The following UCK2 variants were observed in gnomAD, a reference collection of about 807,000 sequenced individuals.
The protein encoded by UCK2 is uridine-cytidine kinase 2.
In UCK2, 6 loss-of-function variants were observed where a neutral mutation model predicts 30.8. That is an observed-to-expected ratio of 0.19 (90% confidence interval 0.11 to 0.38). The LOEUF is 0.38. UCK2 is among the 10% of genes least tolerant of loss of function. The probability of loss-of-function intolerance (pLI) is 1.00; values close to 1 mark genes in which losing one functional copy is unlikely to be tolerated. For synonymous variants in UCK2, 125 were observed against 133.6 expected (o/e 0.94, Z 0.45); for missense variants, 210 against 339.8 (o/e 0.62, Z 3.00).
At chr1:165,891,609 C>A (rs947135963) in intron 3 of UCK2, 14 of 342,942 alleles carry the variant, frequency 4.1e-5, no homozygotes, top group Non-Finnish European at 5.9e-5. Flanking sequence ...CATGTGCATT[C>A]TGATCCACAT....
Position 165,843,562 on chromosome 1 carries a change from G to A in UCK2, c.99+15630G>A, listed in dbSNP as rs186559109. Among the ~76,000 whole-genome samples, 115 of 152,256 alleles carry A rather than the reference G, an allele frequency of 7.6e-4. 1 individual carries two copies. Among genetic ancestry groups the A allele is most frequent in the African/African-American group, 2.7e-3 (113 of 41,548 alleles). On this transcript the variant is annotated intron_variant, in intron 1 of 6. Coordinates refer to ENST00000367879, the MANE Select transcript of UCK2 (RefSeq NM_012474.5). Reference sequence around the variant, plus strand: ...GGAGGTCAAGGCAGGAGGATCACTTGAGGCCAGGAGTTTGATACCAGCCTG... The same window carrying A: ...GGAGGTCAAGGCAGGAGGATCACTTAAGGCCAGGAGTTTGATACCAGCCTG...
intron 1 of UCK2, among the ~76,000 whole-genome samples, chr1:165,888,017 C>G (rs964025167): frequency 2.6e-5 from 4 of 152,146 alleles, no homozygotes; most frequent in Non-Finnish European, 5.9e-5. Context: ...CTCCAAAGAT[C>G]CTTACTTAGT....
Position 165,907,676 on chromosome 1 carries a change from C to T in UCK2, c.647-8C>T. 6.2e-7 allele frequency: 1 copy of T among 1,613,920 alleles called. No individual in the cohort carries two copies. Among genetic ancestry groups the T allele is most frequent in the South Asian group, 1.1e-5 (1 of 91,036 alleles). On this transcript the variant is annotated splice_polypyrimidine_tract_variant and splice_region_variant and intron_variant, in intron 6 of 6. Coordinates refer to ENST00000367879, the MANE Select transcript of UCK2 (RefSeq NM_012474.5). Reference sequence around the variant, plus strand: ...ACCCGTAACGCTCTGCTGGTCTCTGCCCCACAGTGGCCATCAACCTCATCG... The same window carrying T: ...ACCCGTAACGCTCTGCTGGTCTCTGTCCCACAGTGGCCATCAACCTCATCG...
intron 4 of UCK2, 115 bp from the exon 5 acceptor site, chr1:165,903,067 T>G: frequency 1.3e-6 from 1 of 751,852 alleles, no homozygotes; most frequent in East Asian, 2.6e-5. Flanking sequence ...GATTCCAGCT[T>G]GAGAATCATC....
At chr1:165,857,228 A>T (rs1654770345) in intron 1 of UCK2, among the ~76,000 whole-genome samples, 1 of 151,992 alleles carries the variant, frequency 6.6e-6, no homozygotes, top group Non-Finnish European at 1.5e-5. Flanking sequence ...CAGTACTTGA[A>T]CCCTTTTCTC....
At chr1:165,845,606 C>T (rs971783003) in intron 1 of UCK2, among the ~76,000 whole-genome samples, 1 of 152,142 alleles carries the variant, frequency 6.6e-6, no homozygotes, top group African/African-American at 2.4e-5. Flanking sequence ...TAAGTCTCAT[C>T]AGCAGTATTT....
intron 5 of UCK2, among the ~76,000 whole-genome samples, chr1:165,905,244 AG>A (rs1253106104): frequency 1.3e-5 from 2 of 152,178 alleles, no homozygotes; most frequent in Non-Finnish European, 2.9e-5. Context: ...GGACTTTGGG[AG>A]GCCCAGGTGG....
chr1:165,873,160 T>G (rs1655246192), intron 1 of UCK2, among the ~76,000 whole-genome samples: 1 of 152,222 alleles, frequency 6.6e-6, no homozygotes, highest in African/African-American at 2.4e-5. Flanking sequence ...TGTCTGGTTT[T>G]AGGTTGCCAC....
intron 4 of UCK2, 140 bp downstream of exon 4, chr1:165,896,472 C>A: frequency 1.1e-6 from 1 of 932,166 alleles, no homozygotes; most frequent in Non-Finnish European, 1.6e-6. Context: ...ATGGTCCAGC[C>A]CGGCTGCGTC....
rs779481554 is a variant in UCK2, at chr1:165,910,932, G to A, written c.*3109G>A. On this transcript the variant is annotated 3_prime_UTR_variant, in exon 7 of 7. Coordinates refer to ENST00000367879, the MANE Select transcript of UCK2 (RefSeq NM_012474.5). ...CATTAGGCCGCTGGGTCGGGCTGGA[G>A]GCTTGTGTACACCTCGGAGCAGTCG... 1 of 152,454 alleles carries A rather than the reference G, an allele frequency of 6.6e-6. No individual in the cohort carries two copies. Among genetic ancestry groups the A allele is most frequent in the African/African-American group, 2.4e-5 (1 of 41,470 alleles). 9.4% of individuals were successfully genotyped at this position (152,454 alleles called of 1,614,324 possible). A position where few individuals can be genotyped will look rare whatever the true frequency, so the allele number is the denominator to read the frequency against.
chr1:165,861,656 AAAAC>A (rs1414761395), intron 1 of UCK2, among the ~76,000 whole-genome samples: 20,498 of 83,818 alleles, frequency 0.24, 6,269 homozygotes, highest in Non-Finnish European at 0.3. Context: ...AAAACAAAAA[AAAAC>A]AACAGTAAAA....
At chr1:165,872,281 G>A (rs1403696189) in intron 1 of UCK2, among the ~76,000 whole-genome samples, 2 of 152,144 alleles carry the variant, frequency 1.3e-5, no homozygotes, top group African/African-American at 2.4e-5. Context: ...TGCCATGTTG[G>A]CCAGGCTGGT....
intron 4 of UCK2, among the ~76,000 whole-genome samples, chr1:165,901,852 A>G (rs1053775485): frequency 2.8e-4 from 43 of 151,496 alleles, no homozygotes; most frequent in African/African-American, 1.0e-3. Flanking sequence ...TGGGCTGCCT[A>G]TAATTCCAGC....
intron 1 of UCK2, among the ~76,000 whole-genome samples, chr1:165,857,872 C>G (rs1420478250): frequency 1.3e-5 from 2 of 152,122 alleles, no homozygotes; most frequent in Admixed American, 1.3e-4. Flanking sequence ...TCAGTGTTTA[C>G]TGCACCCCAT....
intron 1 of UCK2, among the ~76,000 whole-genome samples, chr1:165,858,479 C>T (rs1654810271): frequency 6.6e-6 from 1 of 152,190 alleles, no homozygotes; most frequent in African/African-American, 2.4e-5. Context: ...AACAAACAAG[C>T]AACCAGCTGC....
At chr1:165,837,781 T>C (rs538726230) in intron 1 of UCK2, among the ~76,000 whole-genome samples, 2 of 152,032 alleles carry the variant, frequency 1.3e-5, no homozygotes, top group African/African-American at 2.4e-5. Flanking sequence ...TATTAAGTAA[T>C]TTTTTTTCAA....
intron 1 of UCK2, among the ~76,000 whole-genome samples, chr1:165,841,454 G>C (rs180898170): frequency 8.2e-4 from 124 of 152,128 alleles, no homozygotes; most frequent in Admixed American, 2.3e-3. Flanking sequence ...CAAAGTGCTG[G>C]GGATTACAGG....
chr1:165,882,015 T>C (rs1485884740), intron 1 of UCK2, among the ~76,000 whole-genome samples: 1 of 152,182 alleles, frequency 6.6e-6, no homozygotes, highest in Non-Finnish European at 1.5e-5. Context: ...GGAGCTTCTG[T>C]TGTGGGGAAT....
chr1:165,885,242 T>G, intron 1 of UCK2: 1 of 393,222 alleles, frequency 2.5e-6, no homozygotes, highest in East Asian at 3.6e-5. Flanking sequence ...ACCTATGGTT[T>G]GAGACTCAGC....
Sources: gnomAD v4.1 joint callset for allele counts (sites outside exome capture counted in the v4.1 genomes callset) on GRCh38, gnomAD v4.1.1 for gene constraint, MANE v1.5 for transcripts, NCBI Gene and HGNC (gene_info 2026-07-23, HGNC 2026-07-21) for gene names.